Variants in AMPD3 observed in about 807,000 individuals in gnomAD.
The protein encoded by AMPD3 is AMP deaminase 3.
Under a neutral mutation model 82.3 loss-of-function variants are expected in AMPD3, and 57 were observed. The observed-to-expected ratio is 0.69, with a 90% CI of 0.56 to 0.86. AMPD3 has a LOEUF of 0.86. Ranked by LOEUF, AMPD3 falls within the 40% of genes least tolerant of loss-of-function variation. AMPD3 has a pLI of 0.00. For missense variants in AMPD3, 870 were observed against 1,003.8 expected, an observed-to-expected ratio of 0.87 and a Z score of 1.80; for synonymous variants, 381 against 394.7, an observed-to-expected ratio of 0.97 and a Z score of 0.41.
chr11:10,504,239 T>C (rs922521617), intron 13 of AMPD3: 2 of 985,116 alleles, frequency 2.0e-6, no homozygotes, highest in African/African-American at 1.7e-5. Context: ...AAATGTGGCA[T>C]GACTAGAGGG....
Position 10,495,699 on chromosome 11 carries a change from A to G in AMPD3, c.1396A>G (p.Asn466Asp). 1 of 1,614,146 alleles carries G rather than the reference A, an allele frequency of 6.2e-7. No homozygotes were observed. The highest frequency in any genetic ancestry group is 1.1e-5 in the South Asian group (1 of 91,076). ...CATCCAGCACAAGGTCTACTCTCCC[A>G]ACATGCGCTGGATCATCCAGGTGCC... ...WFIQHKVYSP[N>D]MRWIIQVPRI... Residue 466 changes from asparagine to aspartate, a missense_variant, in exon 9 of 15, where the codon AAC becomes GAC. Physicochemically the swap from Asn to Asp is conservative, Grantham distance 23 (BLOSUM62 1). Transcript: ENST00000396553.
chr11:10,452,541 T>C (rs768881087), upstream of AMPD3, among the ~76,000 whole-genome samples: 8 of 152,002 alleles, frequency 5.3e-5, no homozygotes, highest in Non-Finnish European at 1.0e-4. Flanking sequence ...CTGATCTGGC[T>C]TCACATTTAA....
chr11:10,496,109 G>A (rs961481523), intron 9 of AMPD3: 2 of 491,834 alleles, frequency 4.1e-6, no homozygotes, highest in South Asian at 1.7e-4. Flanking sequence ...TAGAGATGGG[G>A]TTTCACCATC....
chr11:10,478,979 C>T lies in AMPD3; in HGVS notation c.426+249C>T, dbSNP rs1295369666. Among the ~76,000 whole-genome samples the T allele has an allele frequency of 4.0e-5, 6 of 151,772 alleles. 1 individual carries two copies. The highest frequency in any genetic ancestry group is 6.3e-3 in the Middle Eastern group (2 of 316). ...AGGCTGGCACACTGTGTCTGTGACTCGTAAGTTCCACATGTTCTCTAAGTC... is the reference window on the plus strand; with the variant it reads ...AGGCTGGCACACTGTGTCTGTGACTTGTAAGTTCCACATGTTCTCTAAGTC... On this transcript the variant is annotated intron_variant, in intron 3 of 14. Transcript: ENST00000396553.
chr11:10,496,262 TG>T, intron 9 of AMPD3: 1 of 985,318 alleles, frequency 1.0e-6, no homozygotes, highest in Non-Finnish European at 1.2e-6. Flanking sequence ...GCAAAGGCCT[TG>T]GGGGAACTAC....
chr11:10,481,364 C>G (rs1043860343), intron 3 of AMPD3: 1 of 862,616 alleles, frequency 1.2e-6, no homozygotes, highest in Non-Finnish European at 1.4e-6. Flanking sequence ...TCATCGCCTT[C>G]AGGGATAGGA....
chr11:10,498,907 G>A (rs528939650), intron 10 of AMPD3, among the ~76,000 whole-genome samples: 36 of 152,332 alleles, frequency 2.4e-4, no homozygotes, highest in African/African-American at 7.9e-4. Context: ...GGTTGGGGAT[G>A]ACCCCTGGGA....
intron 2 of AMPD3, among the ~76,000 whole-genome samples, chr11:10,469,615 T>G (rs1848525554): frequency 6.6e-6 from 1 of 151,596 alleles, no homozygotes; most frequent in Non-Finnish European, 1.5e-5. Context: ...CCAACAATAG[T>G]TTGGAGCTGG....
chr11:10,465,122 C>A (rs1848381879), intron 2 of AMPD3, among the ~76,000 whole-genome samples: 1 of 152,200 alleles, frequency 6.6e-6, no homozygotes, highest in South Asian at 2.1e-4. Context: ...CACAAAAAAT[C>A]CTTAGCGCAG....
chr11:10,501,814 C>T, intron 12 of AMPD3: 1 of 983,838 alleles, frequency 1.0e-6, no homozygotes, highest in Non-Finnish European at 1.2e-6. Context: ...TATGCTATTA[C>T]ATTAATAGAA....
At chr11:10,492,689 T>C (rs1045104906) in intron 6 of AMPD3, among the ~76,000 whole-genome samples, 4 of 152,216 alleles carry the variant, frequency 2.6e-5, no homozygotes, top group Non-Finnish European at 5.9e-5. Flanking sequence ...GCTCCCAGTC[T>C]AGTGAAAGCG....
At chr11:10,483,911 A>G (rs12271609) in intron 4 of AMPD3, among the ~76,000 whole-genome samples, 106,439 of 152,236 alleles carry the variant, frequency 0.7, 37,358 homozygotes, top group Admixed American at 0.76. Flanking sequence ...GTGCTGGCTG[A>G]GCTGCATGGA....
intron 9 of AMPD3, chr11:10,496,599 TG>T: frequency 1.0e-6 from 1 of 968,434 alleles, no homozygotes; most frequent in South Asian, 4.8e-5. Context: ...CTGATGGGCA[TG>T]GGTAGGTGTG....
chr11:10,452,512 G>A (rs200273256), upstream of AMPD3, among the ~76,000 whole-genome samples: 26 of 152,172 alleles, frequency 1.7e-4, no homozygotes, highest in East Asian at 4.6e-3. Context: ...ATTCATAGGG[G>A]AGAAGGATGT....
chr11:10,476,270 C>T lies in AMPD3; in HGVS notation c.222-2256C>T, dbSNP rs1448520094. ...GCCTACAGAGTCTGAGCTCCTGGCCCGCAGATGCTCATATGTGACAATCTG... is the reference window on the plus strand; with the variant it reads ...GCCTACAGAGTCTGAGCTCCTGGCCTGCAGATGCTCATATGTGACAATCTG... On this transcript the variant is annotated intron_variant, in intron 2 of 14. Coordinates refer to ENST00000396553, the MANE Select transcript of AMPD3 (RefSeq NM_001025389.2). Among the ~76,000 whole-genome samples the T allele has an allele frequency of 5.9e-5, 9 of 152,272 alleles. No individual in the cohort carries two copies. The East Asian group carries it at 9.7e-4, about 16-fold the overall frequency.
upstream of AMPD3, among the ~76,000 whole-genome samples, chr11:10,452,565 C>T (rs569591194): frequency 2.0e-5 from 3 of 152,158 alleles, no homozygotes; most frequent in African/African-American, 7.2e-5. Flanking sequence ...TGTTTTCCTT[C>T]TTCCTGCACC....
chr11:10,494,457 G>A (rs1849330597), intron 7 of AMPD3: 6 of 675,840 alleles, frequency 8.9e-6, no homozygotes, highest in Non-Finnish European at 1.1e-5. Context: ...GGAACTGTAT[G>A]GTTAAAAATG....
chr11:10,487,561 T>G (rs773544349), intron 6 of AMPD3, among the ~76,000 whole-genome samples, 197 bp downstream of exon 6: 1 of 152,234 alleles, frequency 6.6e-6, no homozygotes, highest in Non-Finnish European at 1.5e-5. Flanking sequence ...AGGCTGGGCC[T>G]CAGACAGCAC....
chr11:10,493,326 G>A (rs779476037), intron 6 of AMPD3, 23 bp from the exon 7 acceptor site: 1 of 1,613,760 alleles, frequency 6.2e-7, no homozygotes. Flanking sequence ...CTGACTCAGG[G>A]CCTGGTGGGC....
Sources: allele counts gnomAD v4.1 joint callset (sites outside exome capture counted in the v4.1 genomes callset), GRCh38; gene constraint gnomAD v4.1.1; transcripts MANE v1.5; gene names NCBI Gene and HGNC (gene_info 2026-07-23, HGNC 2026-07-21).